RASSF3: variants seen among roughly 807,000 people sequenced by gnomAD.
The protein encoded by RASSF3 is ras association domain-containing protein 3.
Under a neutral mutation model 19.9 loss-of-function variants are expected in RASSF3, and 19 were observed. The ratio of observed to expected loss-of-function variants is 0.96; its 90% CI spans 0.67 to 1.40. RASSF3 has a LOEUF of 1.40. RASSF3 is among the 40% of genes most tolerant of loss of function. RASSF3 has a pLI of 0.00. For synonymous variants in RASSF3, 110 were observed against 104.2 expected (o/e 1.06, Z -0.34); for missense variants, 306 against 289.8 (o/e 1.06, Z -0.41).
chr12:64,614,407 C>T (rs1026878551), intron 1 of RASSF3, among the ~76,000 whole-genome samples: 18 of 152,098 alleles, frequency 1.2e-4, no homozygotes, highest in Admixed American at 2.6e-4. Flanking sequence ...GGATTACAGG[C>T]GTGAGCCACC....
chr12:64,551,898 C>T (rs562171665), intron 2 of RASSF3, among the ~76,000 whole-genome samples: 1 of 152,150 alleles, frequency 6.6e-6, no homozygotes, highest in African/African-American at 2.4e-5. Context: ...TTCAGTTTTT[C>T]TGTGAGACTG....
chr12:64,560,957 A>G (rs1050030540), intron 2 of RASSF3, among the ~76,000 whole-genome samples: 8 of 152,220 alleles, frequency 5.3e-5, no homozygotes, highest in Non-Finnish European at 8.8e-5. Context: ...TCCGTCATTA[A>G]AAGAGTCTGT....
chr12:64,610,069 C>A (rs1263729240), upstream of RASSF3, among the ~76,000 whole-genome samples: 3 of 152,120 alleles, frequency 2.0e-5, no homozygotes, highest in African/African-American at 7.2e-5. Context: ...GGGCAACCCC[C>A]ACCCACCCCT....
intron 2 of RASSF3, among the ~76,000 whole-genome samples, chr12:64,685,747 G>A (rs899587352): frequency 1.3e-5 from 2 of 152,218 alleles, no homozygotes; most frequent in Non-Finnish European, 2.9e-5. Flanking sequence ...TCGGCGTACA[G>A]GAGGGAGAAG....
At chr12:64,516,998 C>CAAAAAAAAAAAAAAAAAAA (rs371430838) in intron 1 of RASSF3, among the ~76,000 whole-genome samples, 74 of 51,802 alleles carry the variant, frequency 1.4e-3, no homozygotes, top group East Asian at 1.8e-3. Flanking sequence ...AAATCTGTCT[C>CAAAAAAAAAAAAAAAAAAA]AAAAAAAAAA....
At chr12:64,585,840 A>T (rs1403618032) in intron 2 of RASSF3, among the ~76,000 whole-genome samples, 1 of 152,034 alleles carries the variant, frequency 6.6e-6, no homozygotes, top group African/African-American at 2.4e-5. Context: ...TCCTGGGCTC[A>T]AGCGATCCTC....
chr12:64,670,931 CG>C (rs1565866940), intron 1 of RASSF3, among the ~76,000 whole-genome samples: 1 of 152,078 alleles, frequency 6.6e-6, no homozygotes, highest in Non-Finnish European at 1.5e-5. Flanking sequence ...TTGTGTCCTC[CG>C]GCAAAATAAA....
chr12:64,614,133 CTTT>C (rs578071131), intron 1 of RASSF3, among the ~76,000 whole-genome samples: 5 of 130,038 alleles, frequency 3.8e-5, no homozygotes, highest in Admixed American at 1.6e-4. Flanking sequence ...TTTACCATTT[CTTT>C]TTTTTTTTTT....
chr12:64,636,579 A>G (rs569790275), intron 1 of RASSF3, among the ~76,000 whole-genome samples: 1 of 152,086 alleles, frequency 6.6e-6, no homozygotes, highest in South Asian at 2.1e-4. Context: ...TCCAAAAATT[A>G]AAGTAGCCGG....
At chr12:64,524,221 TA>T (rs1223742324) in intron 1 of RASSF3, among the ~76,000 whole-genome samples, 28 of 29,662 alleles carry the variant, frequency 9.4e-4, no homozygotes, top group African/African-American at 3.7e-3. Context: ...CCGGCAATTT[TA>T]TTTATTTATT....
intron 2 of RASSF3, among the ~76,000 whole-genome samples, chr12:64,558,788 A>G (rs1251216091): frequency 2.0e-5 from 3 of 152,076 alleles, no homozygotes; most frequent in South Asian, 2.1e-4. Context: ...CCTTCAGTCA[A>G]TGGGTTGCAG....
intron 2 of RASSF3, among the ~76,000 whole-genome samples, chr12:64,572,339 T>C (rs1252200434): frequency 6.6e-6 from 1 of 152,126 alleles, no homozygotes; most frequent in East Asian, 1.9e-4. Flanking sequence ...TTGCTGTCAC[T>C]GGCATGCTCT....
chr12:64,592,364 A>G (rs933734500), intron 2 of RASSF3, among the ~76,000 whole-genome samples: 1 of 152,170 alleles, frequency 6.6e-6, no homozygotes, highest in African/African-American at 2.4e-5. Flanking sequence ...CCATTAGCCA[A>G]TTTGCCTAAT....
chr12:64,548,778 T>G (rs547401651), intron 2 of RASSF3, among the ~76,000 whole-genome samples: 28 of 152,346 alleles, frequency 1.8e-4, no homozygotes, highest in Non-Finnish European at 3.7e-4. Flanking sequence ...CTTTAAATTT[T>G]AAATCCATTT....
At chr12:64,609,011 T>TG (rs1197342881), upstream of RASSF3, among the ~76,000 whole-genome samples, 1 of 152,014 alleles carries the variant, frequency 6.6e-6, no homozygotes, top group Non-Finnish European at 1.5e-5. Context: ...GTGAATCACG[T>TG]GGGGTAATAT....
At chr12:64,640,334 C>T (rs1013355543) in intron 1 of RASSF3, among the ~76,000 whole-genome samples, 12 of 152,110 alleles carry the variant, frequency 7.9e-5, no homozygotes, top group African/African-American at 2.7e-4. Context: ...ATGAGATTGA[C>T]CCTCTCAACA....
chr12:64,516,506 C>T (rs965248161), intron 1 of RASSF3, among the ~76,000 whole-genome samples: 1 of 149,790 alleles, frequency 6.7e-6, no homozygotes, highest in East Asian at 2.0e-4. Flanking sequence ...GTAGTCCCAG[C>T]TACTTGGGAG....
intron 1 of RASSF3, chr12:64,622,510 A>C (rs759476343): frequency 7.5e-6 from 4 of 531,156 alleles, no homozygotes; most frequent in Admixed American, 1.9e-5. Flanking sequence ...AGGAATCGGC[A>C]TTGGCATCTA....
chr12:64,686,444 C>T (rs1238801525), intron 2 of RASSF3, among the ~76,000 whole-genome samples: 4 of 152,146 alleles, frequency 2.6e-5, no homozygotes, highest in African/African-American at 9.7e-5. Flanking sequence ...AACCCTGTCT[C>T]TACTAAAAAT....
Sources: allele counts gnomAD v4.1 joint callset (sites outside exome capture counted in the v4.1 genomes callset), GRCh38; gene constraint gnomAD v4.1.1; transcripts MANE v1.5; gene names NCBI Gene and HGNC (gene_info 2026-07-23, HGNC 2026-07-21).